The following GNAQ variants were observed in gnomAD, a reference collection of about 807,000 sequenced individuals.
The protein encoded by GNAQ is G protein subunit alpha q, also known as guanine nucleotide-binding protein G(q) subunit alpha.
Under a neutral mutation model 43.9 loss-of-function variants are expected in GNAQ, and 8 were observed. The ratio of observed to expected loss-of-function variants is 0.18; its 90% CI spans 0.11 to 0.33. GNAQ has a LOEUF of 0.33. GNAQ is among the 10% of genes least tolerant of loss of function. GNAQ has a pLI of 1.00. For synonymous variants in GNAQ, 155 were observed against 170.7 expected (o/e 0.91, Z 0.71); for missense variants, 158 against 450.8 (o/e 0.35, Z 5.88).
At chr9:77,844,823 C>A (rs1279797195) in intron 2 of GNAQ, among the ~76,000 whole-genome samples, 1 of 149,956 alleles carries the variant, frequency 6.7e-6, no homozygotes. Context: ...CAGGTGCCTG[C>A]CACCATGCCC....
At chr9:77,952,430 T>C (rs1564161352) in intron 1 of GNAQ, among the ~76,000 whole-genome samples, 1 of 152,208 alleles carries the variant, frequency 6.6e-6, no homozygotes, top group Non-Finnish European at 1.5e-5. Flanking sequence ...CTTTTAGTCA[T>C]TCTATAACAA....
At chr9:77,818,184 A>G (rs897929442) in intron 2 of GNAQ, among the ~76,000 whole-genome samples, 7 of 152,174 alleles carry the variant, frequency 4.6e-5, no homozygotes, top group Non-Finnish European at 7.3e-5. Context: ...AAAACAGAGC[A>G]ATCACCATGT....
intron 3 of GNAQ, among the ~76,000 whole-genome samples, chr9:77,801,964 T>G (rs1466152337): frequency 6.6e-6 from 1 of 152,044 alleles, no homozygotes; most frequent in Admixed American, 6.6e-5. Context: ...GCCAGGAGTT[T>G]GAGACCAGCC....
intron 2 of GNAQ, among the ~76,000 whole-genome samples, chr9:77,863,179 A>AAAGAAAGGAAGG (rs1345249136): frequency 1.5e-5 from 2 of 130,028 alleles, no homozygotes; most frequent in Non-Finnish European, 3.2e-5. Context: ...CGTATGAAAG[A>AAAGAAAGGAAGG]AAGGAAGGAA....
At chr9:77,777,499 T>G (rs1440612561) in intron 5 of GNAQ, among the ~76,000 whole-genome samples, 1 of 152,014 alleles carries the variant, frequency 6.6e-6, no homozygotes, top group East Asian at 1.9e-4. Context: ...CAACCTGAAC[T>G]TCACCAAAAT....
In GNAQ at chr9:77,716,199, C is replaced by A; in HGVS notation, c.*5124G>T. ...ATGTATTTCAGTACTCCTACTAATA[C>A]AAAACATTCTGAGAGGGGCTCGGGC... On this transcript the variant is annotated 3_prime_UTR_variant, in exon 7 of 7. Transcript: ENST00000286548. 1 of 205,122 alleles carries A rather than the reference C, an allele frequency of 4.9e-6. No individual in the cohort carries two copies. The allele number at this position is 205,122 out of a possible 1,614,324, so 12.7% of individuals were successfully genotyped here.
intron 2 of GNAQ, among the ~76,000 whole-genome samples, chr9:77,876,190 A>G (rs1022266996): frequency 2.0e-5 from 3 of 152,200 alleles, no homozygotes; most frequent in Admixed American, 1.3e-4. Context: ...AGCTGGCCCC[A>G]AGCCAGCTCA....
At chr9:77,834,947 T>G (rs940004657) in intron 2 of GNAQ, among the ~76,000 whole-genome samples, 3 of 152,218 alleles carry the variant, frequency 2.0e-5, no homozygotes, top group Non-Finnish European at 4.4e-5. Context: ...TTTCAACTTT[T>G]GATCAGCACA....
chr9:77,940,463 T>TC (rs1829298369), intron 1 of GNAQ, among the ~76,000 whole-genome samples: 1 of 151,996 alleles, frequency 6.6e-6, no homozygotes, highest in South Asian at 2.1e-4. Flanking sequence ...CCTGTGGTCC[T>TC]AGCTACTTGG....
intron 2 of GNAQ, among the ~76,000 whole-genome samples, chr9:77,916,821 C>G (rs1828915035): frequency 6.6e-6 from 1 of 151,920 alleles, no homozygotes; most frequent in Non-Finnish European, 1.5e-5. Flanking sequence ...GCGGAGTTCT[C>G]TTAGACAACT....
At chr9:77,732,671 C>G (rs1000334808) in intron 5 of GNAQ, among the ~76,000 whole-genome samples, 2 of 152,178 alleles carry the variant, frequency 1.3e-5, no homozygotes, top group Non-Finnish European at 2.9e-5. Context: ...CGGCAGGATA[C>G]TAGTAAAGGT....
chr9:77,854,000 C>T (rs1044419259), intron 2 of GNAQ, among the ~76,000 whole-genome samples: 49 of 152,214 alleles, frequency 3.2e-4, no homozygotes, highest in African/African-American at 1.1e-3. Context: ...GGGGCTCAAA[C>T]TATTTTTGAT....
chr9:77,955,151 T>G (rs1823026965), intron 1 of GNAQ, among the ~76,000 whole-genome samples: 2 of 152,202 alleles, frequency 1.3e-5, no homozygotes, highest in South Asian at 4.1e-4. Context: ...AATCTTTTTC[T>G]TGTTTTTTTG....
rs1237839052 is a variant in GNAQ at position 77,720,092 on chromosome 9, G to A, written c.*1231C>T. ...CACACAGGATACTTTTTACATTGCC[G>A]GTTTGGACACTGAACATGGGACGTG... On this transcript the variant is annotated 3_prime_UTR_variant, in exon 7 of 7. Transcript: ENST00000286548. 5 of 232,772 alleles carry A rather than the reference G, an allele frequency of 2.1e-5. No individual in the cohort carries two copies. Among genetic ancestry groups the A allele is most frequent in the Non-Finnish European group, 2.5e-5 (3 of 117,798 alleles). The allele number at this position is 232,772 out of a possible 1,614,324, so 14.4% of individuals were successfully genotyped here. A position where few individuals can be genotyped will look rare whatever the true frequency, so the allele number is the denominator to read the frequency against.
intron 1 of GNAQ, among the ~76,000 whole-genome samples, chr9:78,029,126 C>T (rs1040113881): frequency 6.6e-6 from 1 of 151,896 alleles, no homozygotes; most frequent in African/African-American, 2.4e-5. Flanking sequence ...GTGTATTTCC[C>T]TTAGACATTC....
At chr9:77,910,517 AATTCCTGGTC>A (rs1267884923) in intron 2 of GNAQ, among the ~76,000 whole-genome samples, 1 of 152,312 alleles carries the variant, frequency 6.6e-6, no homozygotes, top group Non-Finnish European at 1.5e-5. Flanking sequence ...GGTGGCTGTC[AATTCCTGGTC>A]ATTCTGCGCA....
At chr9:77,869,402 G>A (rs551982520) in intron 2 of GNAQ, among the ~76,000 whole-genome samples, 6 of 152,242 alleles carry the variant, frequency 3.9e-5, no homozygotes, top group South Asian at 2.1e-4. Context: ...GGTTTCCTAC[G>A]CTTACTGGGT....
At chr9:77,861,982 G>C (rs377612161) in intron 2 of GNAQ, among the ~76,000 whole-genome samples, 1 of 150,222 alleles carries the variant, frequency 6.7e-6, no homozygotes, top group African/African-American at 2.5e-5. Context: ...TCCAGCCTGG[G>C]GGACAGAGCA....
intron 6 of GNAQ, among the ~76,000 whole-genome samples, chr9:77,722,141 C>CTTTT (rs398068684): frequency 7.0e-6 from 1 of 143,494 alleles, no homozygotes; most frequent in Admixed American, 7.0e-5. Context: ...ATTTTCTTTT[C>CTTTT]TTTTTTTTTT....
Sources: allele counts gnomAD v4.1 joint callset (sites outside exome capture counted in the v4.1 genomes callset), GRCh38; gene constraint gnomAD v4.1.1; transcripts MANE v1.5; gene names NCBI Gene and HGNC (gene_info 2026-07-23, HGNC 2026-07-21).